Variants in AKT3 observed in about 807,000 individuals in gnomAD.
The protein encoded by AKT3 is AKT serine/threonine kinase 3, also known as RAC-gamma serine/threonine-protein kinase.
AKT3 carries 15 observed loss-of-function variants against 65.3 expected under a neutral mutation model. The ratio of observed to expected loss-of-function variants is 0.23; its 90% CI spans 0.15 to 0.35. The LOEUF is 0.35. Among genes scored for constraint, AKT3 ranks in the 10% least tolerant of loss-of-function variants. The pLI, the probability that AKT3 is intolerant of heterozygous loss-of-function variation, is 1.00. For synonymous variants in AKT3, 206 were observed against 183.8 expected, an observed-to-expected ratio of 1.12 and a Z score of -0.98; for missense variants, 243 against 576.5, an observed-to-expected ratio of 0.42 and a Z score of 5.92.
At chr1:243,745,508 G>A (rs1688427045) in intron 2 of AKT3, among the ~76,000 whole-genome samples, 1 of 152,016 alleles carries the variant, frequency 6.6e-6, no homozygotes, top group Non-Finnish European at 1.5e-5. Flanking sequence ...ATTTGCCCAG[G>A]GTCACAAAAG....
intron 8 of AKT3, among the ~76,000 whole-genome samples, chr1:243,577,389 T>C (rs953987984): frequency 2.0e-5 from 3 of 152,128 alleles, no homozygotes; most frequent in Admixed American, 2.0e-4. Flanking sequence ...TCAAGTGATC[T>C]GCCCACTTCA....
chr1:243,516,902 T>C (rs946643838), intron 12 of AKT3, among the ~76,000 whole-genome samples: 5 of 152,224 alleles, frequency 3.3e-5, no homozygotes, highest in African/African-American at 1.2e-4. Flanking sequence ...TTTCTTAAGA[T>C]AGAAGCTAAG....
intron 2 of AKT3, among the ~76,000 whole-genome samples, chr1:243,818,903 A>G (rs544296168): frequency 6.6e-6 from 1 of 152,290 alleles, no homozygotes; most frequent in South Asian, 2.1e-4. Flanking sequence ...AATGGCCCAC[A>G]TGGGAGCCAC....
In AKT3 at chr1:243,640,589, G is replaced by A. The variant is rs571603090; in HGVS notation, c.430-2847C>T. ...ATCCTGCTGGAGAGAGAGGCCATGT[G>A]GAGAGACCCTGGAAGATAAATTACC... is the stretch of plus-strand genomic sequence containing the variant. On this transcript the variant is annotated intron_variant, in intron 5 of 13. Transcript: ENST00000673466. Among the ~76,000 whole-genome samples the A allele has an allele frequency of 5.3e-5, 8 of 152,278 alleles. No homozygotes were observed. In the South Asian group the frequency reaches 1.7e-3, roughly 32 times the overall value.
intron 8 of AKT3, among the ~76,000 whole-genome samples, chr1:243,606,076 C>A (rs1677387810): frequency 6.6e-6 from 1 of 152,132 alleles, no homozygotes; most frequent in Non-Finnish European, 1.5e-5. Flanking sequence ...TCTCCCCAGC[C>A]CTGCAGAACT....
At chr1:243,746,759 G>C (rs974122394) in intron 2 of AKT3, among the ~76,000 whole-genome samples, 2 of 152,130 alleles carry the variant, frequency 1.3e-5, no homozygotes, top group Non-Finnish European at 2.9e-5. Context: ...TCTTTCCCTT[G>C]ATAATCTCCA....
At chr1:243,720,393 A>T (rs957482817) in intron 2 of AKT3, among the ~76,000 whole-genome samples, 24 of 150,910 alleles carry the variant, frequency 1.6e-4, no homozygotes, top group African/African-American at 5.8e-4. Flanking sequence ...AATAAAAAGG[A>T]TCTTAAAATC....
rs1375280062 is a variant in AKT3 at position 243,810,330 on chromosome 1, A to G, written c.46+32795T>C. Among the ~76,000 whole-genome samples the G allele has an allele frequency of 3.9e-5, 6 of 152,182 alleles. No homozygotes were observed. The East Asian group carries it at 1.2e-3, about 29-fold the overall frequency. On this transcript the variant is annotated intron_variant, in intron 2 of 13. Transcript: ENST00000673466. ...AAGAATCAAATAGACACAATAAAAC[A>G]TGATAAAGGAGATATCACCACCGAT...
intron 2 of AKT3, among the ~76,000 whole-genome samples, chr1:243,790,994 A>C (rs141795303): frequency 6.6e-6 from 1 of 152,320 alleles, no homozygotes; most frequent in Non-Finnish European, 1.5e-5. Context: ...GAAAAAGTTG[A>C]AATACTGCAA....
At chr1:243,675,754 T>C (rs779268033) in intron 3 of AKT3, among the ~76,000 whole-genome samples, 1 of 152,206 alleles carries the variant, frequency 6.6e-6, no homozygotes, top group Non-Finnish European at 1.5e-5. Context: ...CCCTATCCTT[T>C]GAGTCCCTTT....
intron 13 of AKT3, among the ~76,000 whole-genome samples, chr1:243,490,955 A>T (rs1460352737): frequency 6.6e-6 from 1 of 152,232 alleles, no homozygotes; most frequent in Non-Finnish European, 1.5e-5. Flanking sequence ...GTCTCCTGGC[A>T]GGTGACTAGG....
intron 2 of AKT3, among the ~76,000 whole-genome samples, chr1:243,809,715 A>G (rs1693001163): frequency 6.6e-6 from 1 of 152,182 alleles, no homozygotes; most frequent in South Asian, 2.1e-4. Flanking sequence ...TCCACCCCAA[A>G]TCAACAGATT....
chr1:243,539,598 C>T (rs1672165913), intron 12 of AKT3, among the ~76,000 whole-genome samples: 2 of 152,136 alleles, frequency 1.3e-5, no homozygotes, highest in South Asian at 4.2e-4. Context: ...GGCCATAAAA[C>T]AAATCTTTTA....
chr1:243,845,336 A>G (rs1283161669), intron 1 of AKT3, among the ~76,000 whole-genome samples: 2 of 76,530 alleles, frequency 2.6e-5, no homozygotes, highest in African/African-American at 5.1e-5. Context: ...TCAAAAAGGG[A>G]TATTAGTTTG....
At chr1:243,813,477 G>A (rs1009057348) in intron 2 of AKT3, among the ~76,000 whole-genome samples, 7 of 149,224 alleles carry the variant, frequency 4.7e-5, no homozygotes, top group Admixed American at 2.0e-4. Context: ...TTCCCCAAAC[G>A]CCTATGGAAA....
intron 8 of AKT3, among the ~76,000 whole-genome samples, chr1:243,573,252 A>T (rs1162925942): frequency 6.6e-6 from 1 of 152,128 alleles, no homozygotes; most frequent in African/African-American, 2.4e-5. Flanking sequence ...CAGCGTTTTA[A>T]TCAATATACC....
At chr1:243,553,125 A>C (rs550251878) in intron 10 of AKT3, among the ~76,000 whole-genome samples, 182 bp from the exon 11 acceptor site, 7 of 152,122 alleles carry the variant, frequency 4.6e-5, no homozygotes, top group Non-Finnish European at 8.8e-5. Flanking sequence ...AATATGTGAA[A>C]TATTCAATAT....
At chr1:243,610,290 C>T (rs1418460298) in intron 8 of AKT3, among the ~76,000 whole-genome samples, 1 of 152,164 alleles carries the variant, frequency 6.6e-6, no homozygotes, top group Admixed American at 6.5e-5. Context: ...CATTTGTTCA[C>T]TTATTCATTC....
At chr1:243,631,989 G>A (rs1218394922) in intron 6 of AKT3, among the ~76,000 whole-genome samples, 2 of 152,052 alleles carry the variant, frequency 1.3e-5, no homozygotes, top group East Asian at 3.9e-4. Context: ...CTGGAGTCTT[G>A]AACCCCTCAA....
Sources: allele counts gnomAD v4.1 joint callset (sites outside exome capture counted in the v4.1 genomes callset), GRCh38; gene constraint gnomAD v4.1.1; transcripts MANE v1.5; gene names NCBI Gene and HGNC (gene_info 2026-07-23, HGNC 2026-07-21).